Variants in SRD5A2 observed in about 807,000 individuals in gnomAD.
The protein encoded by SRD5A2 is steroid 5 alpha-reductase 2, also known as 3-oxo-5-alpha-steroid 4-dehydrogenase 2.
SRD5A2 carries 30 observed loss-of-function variants against 27.4 expected under a neutral mutation model. That is an observed-to-expected ratio of 1.10 (90% CI 0.82 to 1.49). The LOEUF is 1.49. Among genes scored for constraint, SRD5A2 ranks in the 40% most tolerant of loss-of-function variants. The pLI is 0.00. For synonymous variants in SRD5A2, 141 were observed against 133.6 expected (o/e 1.06, Z -0.38); for missense variants, 348 against 323.4 (o/e 1.08, Z -0.58).
the SRD5A2 span, among the ~76,000 whole-genome samples, chr2:31,587,060 A>G: frequency 6.6e-6 from 1 of 152,160 alleles, no homozygotes; most frequent in African/African-American, 2.4e-5. Flanking sequence ...TCAAACAGAA[A>G]CTCCATCAAA....
At chr2:31,655,259 G>A in the SRD5A2 span, among the ~76,000 whole-genome samples, 3 of 151,960 alleles carry the variant, frequency 2.0e-5, no homozygotes, top group South Asian at 2.1e-4. Flanking sequence ...CCACCACCAC[G>A]ACTGACTAAT....
the SRD5A2 span, among the ~76,000 whole-genome samples, chr2:31,611,649 G>A: frequency 6.6e-6 from 1 of 152,088 alleles, no homozygotes; most frequent in Admixed American, 6.5e-5. Flanking sequence ...CTACTAGCAG[G>A]ATTAAAATGA....
chr2:31,578,019 T>C (rs1271374116), intron 1 of SRD5A2, among the ~76,000 whole-genome samples: 1 of 152,092 alleles, frequency 6.6e-6, no homozygotes, highest in Non-Finnish European at 1.5e-5. Flanking sequence ...TATTAAGAAA[T>C]CTGTGATAAT....
chr2:31,585,979 G>A, the SRD5A2 span, among the ~76,000 whole-genome samples: 1 of 152,102 alleles, frequency 6.6e-6, no homozygotes. Context: ...AGGAAAGAGT[G>A]GGAAAGACTG....
chr2:31,530,788 C>T (rs1272308083), intron 3 of SRD5A2, among the ~76,000 whole-genome samples: 4 of 152,112 alleles, frequency 2.6e-5, no homozygotes, highest in Non-Finnish European at 5.9e-5. Context: ...AATCTCATAC[C>T]CTGGTTTCTT....
the SRD5A2 span, among the ~76,000 whole-genome samples, chr2:31,621,117 G>T: frequency 2.0e-5 from 3 of 151,448 alleles, no homozygotes; most frequent in Admixed American, 6.6e-5. Context: ...TCTTTGCCTG[G>T]TTTCCTTCAA....
In SRD5A2 at chr2:31,524,077, G is replaced by C; in HGVS notation, c.*2119C>G. On this transcript the variant is annotated 3_prime_UTR_variant, in exon 5 of 5. Transcript: ENST00000622030. ...AAAGCGCCCTCTTGTGGCAAAAAGT[G>C]AAATTGCCAAATGGCGGTTTTGTCC... The C allele has an allele frequency of 4.5e-6, 1 of 223,204 alleles. No homozygotes were observed. Among genetic ancestry groups the C allele is most frequent in the Non-Finnish European group, 9.0e-6 (1 of 111,658 alleles). 13.8% of individuals were successfully genotyped at this position (223,204 alleles called of 1,614,324 possible).
the SRD5A2 span, among the ~76,000 whole-genome samples, chr2:31,649,477 T>G: frequency 6.6e-6 from 1 of 152,164 alleles, no homozygotes; most frequent in African/African-American, 2.4e-5. Context: ...CCCAAATCAA[T>G]GCTTTTAGAA....
chr2:31,556,972 C>G (rs181987379), intron 1 of SRD5A2, among the ~76,000 whole-genome samples: 1 of 152,086 alleles, frequency 6.6e-6, no homozygotes. Flanking sequence ...TTATAACAAC[C>G]CTAGGAGATA....
chr2:31,542,735 T>C (rs1666154516), intron 1 of SRD5A2, among the ~76,000 whole-genome samples: 2 of 151,916 alleles, frequency 1.3e-5, no homozygotes, highest in South Asian at 4.2e-4. Flanking sequence ...ATGGAAATCA[T>C]CAAGTCTGAG....
At chr2:31,600,694 T>C in the SRD5A2 span, among the ~76,000 whole-genome samples, 1 of 151,828 alleles carries the variant, frequency 6.6e-6, no homozygotes, top group South Asian at 2.1e-4. Flanking sequence ...ACTAGAATAC[T>C]TCCAAATGCA....
the SRD5A2 span, among the ~76,000 whole-genome samples, chr2:31,646,272 T>C: frequency 6.6e-6 from 1 of 152,142 alleles, no homozygotes; most frequent in Non-Finnish European, 1.5e-5. Flanking sequence ...GCCTTCAAGA[T>C]GTGAAACTCA....
At chr2:31,616,881 C>T in the SRD5A2 span, among the ~76,000 whole-genome samples, 102,138 of 152,022 alleles carry the variant, frequency 0.67, 34,549 homozygotes, top group African/African-American at 0.69. Flanking sequence ...CTCACCCAAA[C>T]CTTATCTTTA....
chr2:31,646,263 C>T, the SRD5A2 span, among the ~76,000 whole-genome samples: 1 of 152,054 alleles, frequency 6.6e-6, no homozygotes, highest in African/African-American at 2.4e-5. Context: ...TAAAAAATCG[C>T]CTTCAAGATG....
intron 1 of SRD5A2, among the ~76,000 whole-genome samples, chr2:31,560,970 A>T (rs1666609865): frequency 6.6e-6 from 1 of 152,158 alleles, no homozygotes; most frequent in Admixed American, 6.5e-5. Context: ...CCTCCCTAAA[A>T]TATTGCTCAA....
the SRD5A2 span, among the ~76,000 whole-genome samples, chr2:31,631,850 G>A: frequency 1.3e-5 from 2 of 152,162 alleles, no homozygotes; most frequent in South Asian, 2.1e-4. Flanking sequence ...GACCATCATT[G>A]GGACACAGAA....
At chr2:31,614,986 C>T in the SRD5A2 span, among the ~76,000 whole-genome samples, 1 of 152,150 alleles carries the variant, frequency 6.6e-6, no homozygotes, top group Admixed American at 6.5e-5. Flanking sequence ...GGGAAACCCC[C>T]TTCACTTGGT....
the SRD5A2 span, among the ~76,000 whole-genome samples, chr2:31,586,486 ATAGTGGTGGTGT>A: frequency 4.5e-3 from 679 of 152,332 alleles, 3 homozygotes; most frequent in African/African-American, 0.016. Flanking sequence ...GAGCACAGTC[ATAGTGGTGGTGT>A]CCTCAGGGGT....
chr2:31,589,291 A>G, the SRD5A2 span, among the ~76,000 whole-genome samples: 1 of 152,192 alleles, frequency 6.6e-6, no homozygotes, highest in Middle Eastern at 3.2e-3. Flanking sequence ...GCCCTCATCC[A>G]CCACCTCATC....
Sources: gnomAD v4.1 joint callset for allele counts (sites outside exome capture counted in the v4.1 genomes callset) on GRCh38, gnomAD v4.1.1 for gene constraint, MANE v1.5 for transcripts, NCBI Gene and HGNC (gene_info 2026-07-23, HGNC 2026-07-21) for gene names.